Variants in DAB2IP observed in about 807,000 individuals in gnomAD.
DAB2IP encodes disabled homolog 2-interacting protein.
In DAB2IP, 28 loss-of-function variants were observed where a neutral mutation model predicts 107.2. That is an observed-to-expected ratio of 0.26 (90% CI 0.19 to 0.36). The LOEUF (loss-of-function observed/expected upper bound fraction) is 0.36, where lower values mean the gene tolerates loss of function less well. Among genes scored for constraint, DAB2IP ranks in the 10% least tolerant of loss-of-function variants. The pLI, the probability that DAB2IP is intolerant of heterozygous loss-of-function variation, is 1.00. For missense variants in DAB2IP, 1,400 were observed against 1,644.7 expected, an observed-to-expected ratio of 0.85 and a Z score of 2.57; for synonymous variants, 755 against 706.4, an observed-to-expected ratio of 1.07 and a Z score of -1.09.
exon 2 of DAB2IP, chr9:121,678,693 G>T: frequency 6.3e-7 from 1 of 1,575,060 alleles, no homozygotes; most frequent in Non-Finnish European, 8.6e-7. Context: ...CCTCAAGAAA[G>T]GCCGGGCTCT....
chr9:121,757,520 T>G (rs1833579752), intron 4 of DAB2IP, among the ~76,000 whole-genome samples: 2 of 150,604 alleles, frequency 1.3e-5, no homozygotes, highest in South Asian at 4.1e-4. Flanking sequence ...AAATGCAGTG[T>G]GGATAGCAGA....
At position 121,782,501 on chromosome 9, in the gene DAB2IP, T is replaced by C. The variant is rs1835736066; in HGVS notation, c.*3T>C. The C allele has an allele frequency of 6.2e-7, 1 of 1,613,280 alleles. No homozygotes were observed. Among genetic ancestry groups the C allele is most frequent in the African/African-American group, 1.3e-5 (1 of 74,894 alleles). ...TCAGAAACAGCAGCAATTGTTAACCTGCCTGAGGAGGGAGGAAGCTACCCA... is the reference window on the plus strand; with the variant it reads ...TCAGAAACAGCAGCAATTGTTAACCCGCCTGAGGAGGGAGGAAGCTACCCA... On this transcript the variant is annotated 3_prime_UTR_variant, in exon 16 of 16. Transcript: ENST00000408936. The surrounding 1 kb of genome is among the most constrained non-coding windows in gnomAD (Gnocchi z 6.1).
intron 1 of DAB2IP, among the ~76,000 whole-genome samples, chr9:121,617,153 T>C (rs1255845079): frequency 6.6e-6 from 1 of 152,066 alleles, no homozygotes; most frequent in African/African-American, 2.4e-5. Flanking sequence ...GGTGAAACCC[T>C]ATCTCTACTA....
intron 3 of DAB2IP, among the ~76,000 whole-genome samples, chr9:121,717,021 G>T (rs1830641654): frequency 6.6e-6 from 1 of 152,206 alleles, no homozygotes; most frequent in Non-Finnish European, 1.5e-5. Flanking sequence ...GCTGGGCCTT[G>T]TGCACGCATG....
chr9:121,679,853 C>CAGAGAG (rs10668803), intron 2 of DAB2IP, among the ~76,000 whole-genome samples: 1 of 150,066 alleles, frequency 6.7e-6, no homozygotes, highest in African/African-American at 2.4e-5. Flanking sequence ...TAGGCAAGGA[C>CAGAGAG]AGAGAGAGAG....
At position 121,758,902 on chromosome 9, in the gene DAB2IP, C is replaced by T. The variant is rs754243563; in HGVS notation, c.521C>T (p.Thr174Met). The change falls in exon 5 of 16, where the codon ACG (threonine) becomes ATG (methionine). Residue 174 changes from threonine to methionine, a missense_variant. Physicochemically the swap from Thr to Met is moderately conservative, Grantham distance 81. Transcript: ENST00000408936. ...TGTCTTGCCTGCTCCCCACAGGTGA[C>T]GACGTCATCAGGAAGCAAGTGCTTT... 110 of 1,613,054 alleles carry T rather than the reference C, an allele frequency of 6.8e-5. No homozygotes were observed. In the South Asian group the frequency reaches 1.1e-3, roughly 16 times the overall value.
intron 11 of DAB2IP, among the ~76,000 whole-genome samples, chr9:121,771,521 C>T (rs1834733174): frequency 6.6e-6 from 1 of 151,966 alleles, no homozygotes; most frequent in African/African-American, 2.4e-5. Flanking sequence ...GCCAGAGATG[C>T]AGGTCCACTG....
Position 121,672,351 on chromosome 9 carries a change from C to G in DAB2IP, c.125-6327C>G, listed in dbSNP as rs562494615. On this transcript the variant is annotated intron_variant, in intron 1 of 15. Coordinates refer to ENST00000408936, the Ensembl canonical transcript of DAB2IP. ...AAGTATTAAGATCTGGGCGATGCAA[C>G]CCGACAACTGAAATTTGGTGTCTTG... Among the ~76,000 whole-genome samples, 33 of 152,306 alleles carry G rather than the reference C, an allele frequency of 2.2e-4. No homozygotes were observed. The South Asian group carries it at 3.5e-3, about 16-fold the overall frequency.
intron 6 of DAB2IP, among the ~76,000 whole-genome samples, chr9:121,761,698 A>G (rs1309061997): frequency 6.6e-6 from 1 of 151,756 alleles, no homozygotes; most frequent in Non-Finnish European, 1.5e-5. Flanking sequence ...CTCCTCCCTC[A>G]CCTTCTCCCC....
At chr9:121,651,396 C>T (rs1832730408), upstream of DAB2IP, among the ~76,000 whole-genome samples, 1 of 152,198 alleles carries the variant, frequency 6.6e-6, no homozygotes, top group Non-Finnish European at 1.5e-5. The surrounding 1 kb of genome is among the most constrained non-coding windows in gnomAD (Gnocchi z 5.1). Context: ...GCCTGGTGCG[C>T]CCTCAGGTCG....
At chr9:121,717,899 C>G (rs1235442855) in intron 3 of DAB2IP, among the ~76,000 whole-genome samples, 1 of 152,220 alleles carries the variant, frequency 6.6e-6, no homozygotes, top group Non-Finnish European at 1.5e-5. Context: ...CCAGAAGCCT[C>G]TAGCCCCCAG....
intron 1 of DAB2IP, among the ~76,000 whole-genome samples, chr9:121,660,494 T>G (rs2119088580): frequency 6.6e-6 from 1 of 152,144 alleles, no homozygotes. Context: ...CCTGGGGAAT[T>G]TTGAAGGAGG....
chr9:121,671,828 T>A (rs1298047678), intron 1 of DAB2IP, among the ~76,000 whole-genome samples: 4 of 152,324 alleles, frequency 2.6e-5, no homozygotes, highest in African/African-American at 9.6e-5. Context: ...TGTTCCCCTA[T>A]TGGTGGACAT....
chr9:121,709,248 G>A (rs985668740), intron 3 of DAB2IP, among the ~76,000 whole-genome samples: 2 of 152,208 alleles, frequency 1.3e-5, no homozygotes, highest in Non-Finnish European at 2.9e-5. Context: ...ACTGCATTCA[G>A]GTCATGAAGC....
intron 2 of DAB2IP, among the ~76,000 whole-genome samples, chr9:121,693,252 C>T (rs1315651700): frequency 6.6e-6 from 1 of 152,210 alleles, no homozygotes; most frequent in African/African-American, 2.4e-5. Context: ...GTGTCACTGG[C>T]CTGGCTGCCC....
intron 1 of DAB2IP, among the ~76,000 whole-genome samples, chr9:121,656,397 G>T (rs10985345): frequency 6.6e-6 from 1 of 152,192 alleles, no homozygotes; most frequent in African/African-American, 2.4e-5. Context: ...CAGCCCTGAG[G>T]TGGGGGGGTT....
rs1003116661 is a variant in DAB2IP, at chr9:121,699,021, G to C, written c.229-304G>C. ...ACTCCCCCTCGCCCCGGCGCCCGGG[G>C]GGCTCGGGCAGCCTCGGCCGCGGTC... On this transcript the variant is annotated intron_variant, in intron 2 of 15. Coordinates refer to ENST00000408936, the Ensembl canonical transcript of DAB2IP. This position sits in a 1 kb window ranked among gnomAD's most constrained non-coding sequence, Gnocchi z 6.2. Among the ~76,000 whole-genome samples the C allele has an allele frequency of 2.6e-5, 4 of 151,064 alleles. No individual in the cohort carries two copies. Among genetic ancestry groups the C allele is most frequent in the African/African-American group, 9.7e-5 (4 of 41,292 alleles).
At chr9:121,697,955 A>G (rs147744944) in intron 2 of DAB2IP, among the ~76,000 whole-genome samples, 24 of 152,280 alleles carry the variant, frequency 1.6e-4, no homozygotes, top group African/African-American at 5.8e-4. Context: ...ATTTGCAGCA[A>G]ATGTTTTTCT....
At chr9:121,595,106 T>C (rs557119909) in intron 1 of DAB2IP, among the ~76,000 whole-genome samples, 3 of 152,248 alleles carry the variant, frequency 2.0e-5, no homozygotes, top group Admixed American at 6.5e-5. Context: ...TAAGATTTAC[T>C]GAGCACTTCC....
Sources: gnomAD v4.1 joint callset for allele counts (sites outside exome capture counted in the v4.1 genomes callset) on GRCh38, gnomAD v4.1.1 for gene constraint, Gnocchi (gnomAD v3.1) non-coding constraint, MANE v1.5 for transcripts, NCBI Gene and HGNC (gene_info 2026-07-23, HGNC 2026-07-21) for gene names.